The following ARB2A variants were observed in gnomAD, a reference collection of about 807,000 sequenced individuals.
The protein encoded by ARB2A is cotranscriptional regulator ARB2A.
At chr5:93,852,398 G>T in the ARB2A span, among the ~76,000 whole-genome samples, 1 of 152,016 alleles carries the variant, frequency 6.6e-6, no homozygotes, top group South Asian at 2.1e-4. Context: ...CTCCCATTTT[G>T]TAGGTTGCCT....
the ARB2A span, among the ~76,000 whole-genome samples, chr5:93,945,975 G>A: frequency 1.3e-5 from 2 of 152,064 alleles, no homozygotes; most frequent in African/African-American, 4.8e-5. Flanking sequence ...GAAACTAGAA[G>A]ACAATGAAAC....
the ARB2A span, among the ~76,000 whole-genome samples, chr5:93,806,215 A>C: frequency 2.0e-5 from 3 of 151,972 alleles, no homozygotes; most frequent in Non-Finnish European, 4.4e-5. Context: ...TTAGTTTTGA[A>C]GAGCTGTTCT....
chr5:93,873,486 TCTA>T, the ARB2A span, among the ~76,000 whole-genome samples: 3 of 151,672 alleles, frequency 2.0e-5, no homozygotes, highest in African/African-American at 7.3e-5. Context: ...AGAAAAAAAA[TCTA>T]CTGTGTTTAC....
the ARB2A span, among the ~76,000 whole-genome samples, chr5:93,883,576 C>T: frequency 6.6e-6 from 1 of 151,592 alleles, no homozygotes; most frequent in Non-Finnish European, 1.5e-5. Flanking sequence ...TACAGTTGGA[C>T]ACACTTGACT....
the ARB2A span, among the ~76,000 whole-genome samples, chr5:94,082,520 TTTAAG>T: frequency 1.3e-5 from 2 of 152,132 alleles, no homozygotes; most frequent in Non-Finnish European, 2.9e-5. Flanking sequence ...TAATGGCACA[TTTAAG>T]TTTTGTGCAG....
At chr5:93,633,416 A>G in the ARB2A span, among the ~76,000 whole-genome samples, 1 of 152,192 alleles carries the variant, frequency 6.6e-6, no homozygotes, top group Non-Finnish European at 1.5e-5. Context: ...TCCTCATTAT[A>G]TAAAATTAGG....
the ARB2A span, among the ~76,000 whole-genome samples, chr5:93,700,575 T>C: frequency 2.0e-5 from 3 of 152,022 alleles, no homozygotes; most frequent in Non-Finnish European, 4.4e-5. Flanking sequence ...AGTGTTACTA[T>C]CTCCTGCAGC....
the ARB2A span, among the ~76,000 whole-genome samples, chr5:93,793,354 G>A: frequency 6.8e-6 from 1 of 147,874 alleles, no homozygotes; most frequent in Non-Finnish European, 1.5e-5. Flanking sequence ...AAAGCCCTGG[G>A]ATTACAAGTG....
chr5:94,044,016 T>C, the ARB2A span, among the ~76,000 whole-genome samples: 1 of 152,200 alleles, frequency 6.6e-6, no homozygotes, highest in East Asian at 1.9e-4. Context: ...CTAGTCTCAT[T>C]AGTTGTTTTT....
chr5:94,072,011 C>A, the ARB2A span, among the ~76,000 whole-genome samples: 1 of 152,030 alleles, frequency 6.6e-6, no homozygotes, highest in African/African-American at 2.4e-5. Context: ...CATATCTAGA[C>A]AATGGAATAT....
the ARB2A span, among the ~76,000 whole-genome samples, chr5:93,791,509 A>G: frequency 6.6e-6 from 1 of 152,228 alleles, no homozygotes; most frequent in African/African-American, 2.4e-5. Flanking sequence ...AAAATTTAAG[A>G]GCAAGCCTTA....
At chr5:94,012,365 G>A in the ARB2A span, among the ~76,000 whole-genome samples, 3 of 152,364 alleles carry the variant, frequency 2.0e-5, no homozygotes, top group East Asian at 1.9e-4. Context: ...TCGCGCCACT[G>A]CACTCCAGCC....
chr5:93,732,668 G>A, the ARB2A span, among the ~76,000 whole-genome samples: 2 of 150,382 alleles, frequency 1.3e-5, no homozygotes, highest in Admixed American at 6.6e-5. Context: ...TTAGATAATT[G>A]CCTTTCTTTT....
chr5:93,692,273 G>C, the ARB2A span, among the ~76,000 whole-genome samples: 1 of 152,008 alleles, frequency 6.6e-6, no homozygotes, highest in South Asian at 2.1e-4. Flanking sequence ...GGCTGTATTC[G>C]GGAGACCCAT....
At chr5:93,919,155 T>TTTACTTCAACTG in the ARB2A span, among the ~76,000 whole-genome samples, 1 of 152,274 alleles carries the variant, frequency 6.6e-6, no homozygotes, top group Admixed American at 6.5e-5. Flanking sequence ...TAGATATAAA[T>TTTACTTCAACTG]TTACTTCAAC....
chr5:93,881,304 G>T, the ARB2A span: 1 of 514,224 alleles, frequency 1.9e-6, no homozygotes, highest in Non-Finnish European at 3.3e-6. Context: ...GATGCGTTTT[G>T]TAATTCTGAA....
chr5:93,659,403 C>A, the ARB2A span, among the ~76,000 whole-genome samples: 1 of 152,054 alleles, frequency 6.6e-6, no homozygotes, highest in Non-Finnish European at 1.5e-5. Flanking sequence ...ACTTAGACAT[C>A]ATGATGTTGC....
At chr5:94,073,631 C>T in the ARB2A span, among the ~76,000 whole-genome samples, 9 of 152,198 alleles carry the variant, frequency 5.9e-5, no homozygotes, top group East Asian at 1.7e-3. Flanking sequence ...TGCACAAAAT[C>T]TATCTAGGTG....
At chr5:93,772,862 A>C in the ARB2A span, among the ~76,000 whole-genome samples, 1 of 152,310 alleles carries the variant, frequency 6.6e-6, no homozygotes, top group East Asian at 1.9e-4. Flanking sequence ...GACAAGAGAG[A>C]GCCTGAGGTC....
Sources: gnomAD v4.1 joint callset for allele counts (sites outside exome capture counted in the v4.1 genomes callset) on GRCh38, gnomAD v4.1.1 for gene constraint, MANE v1.5 for transcripts, NCBI Gene and HGNC (gene_info 2026-07-23, HGNC 2026-07-21) for gene names.